The following RPS6KC1 variants were observed in gnomAD, a reference collection of about 807,000 sequenced individuals.
The protein encoded by RPS6KC1 is inactive ribosomal protein S6 kinase delta-1.
A neutral mutation model predicts 103.8 loss-of-function variants in RPS6KC1; 54 were observed. The observed-to-expected ratio is 0.52, with a 90% CI of 0.42 to 0.65. The LOEUF (loss-of-function observed/expected upper bound fraction) is 0.65, where lower values mean the gene tolerates loss of function less well. Among genes scored for constraint, RPS6KC1 ranks in the 30% least tolerant of loss-of-function variants. The probability of loss-of-function intolerance (pLI) is 0.00; values close to 1 mark genes in which losing one functional copy is unlikely to be tolerated. For synonymous variants in RPS6KC1, 439 were observed against 438.7 expected, an observed-to-expected ratio of 1.00 and a Z score of -0.01; for missense variants, 1,151 against 1,253.8, an observed-to-expected ratio of 0.92 and a Z score of 1.24.
rs1326150099 is a variant in RPS6KC1, at chr1:213,070,518, A to G, written c.106-488A>G. ...CACAAATTGGTCAGCCTCCTCAGCCAGTGTAGGTCCAGAGAGACTCCAGCG... is the reference window on the plus strand; with the variant it reads ...CACAAATTGGTCAGCCTCCTCAGCCGGTGTAGGTCCAGAGAGACTCCAGCG... On this transcript the variant is annotated intron_variant, in intron 1 of 14. Transcript: ENST00000366960. Among the ~76,000 whole-genome samples the G allele has an allele frequency of 2.0e-5, 3 of 152,238 alleles. No homozygotes were observed. In the East Asian group the frequency reaches 5.8e-4, roughly 29 times the overall value.
chr1:213,225,500 T>C (rs901667760), intron 8 of RPS6KC1, among the ~76,000 whole-genome samples: 1 of 152,112 alleles, frequency 6.6e-6, no homozygotes, highest in Non-Finnish European at 1.5e-5. Context: ...GTGATTCTCA[T>C]GCCTCACCCT....
chr1:213,629,817 G>A, the RPS6KC1 span, among the ~76,000 whole-genome samples: 1 of 152,136 alleles, frequency 6.6e-6, no homozygotes, highest in Non-Finnish European at 1.5e-5. Flanking sequence ...TGTCTGTAAA[G>A]GATTTTATTT....
At chr1:213,331,162 A>G in the RPS6KC1 span, among the ~76,000 whole-genome samples, 3 of 152,192 alleles carry the variant, frequency 2.0e-5, no homozygotes, top group Non-Finnish European at 4.4e-5. Context: ...GTAAGCTAAA[A>G]CTTTTCTATC....
At chr1:213,474,759 G>A in the RPS6KC1 span, among the ~76,000 whole-genome samples, 1 of 152,028 alleles carries the variant, frequency 6.6e-6, no homozygotes, top group Non-Finnish European at 1.5e-5. Context: ...CTAATAAAAT[G>A]AGGCTATTAC....
the RPS6KC1 span, among the ~76,000 whole-genome samples, chr1:213,581,153 T>A: frequency 6.6e-6 from 1 of 151,932 alleles, no homozygotes; most frequent in African/African-American, 2.4e-5. Flanking sequence ...TGGAGAGTAG[T>A]TCTGGTACCT....
the RPS6KC1 span, among the ~76,000 whole-genome samples, chr1:213,727,770 A>G: frequency 6.6e-6 from 1 of 152,258 alleles, no homozygotes; most frequent in African/African-American, 2.4e-5. Context: ...AGCAGTCTGC[A>G]AAAACTAGCA....
At chr1:213,463,516 CATAGTA>C in the RPS6KC1 span, among the ~76,000 whole-genome samples, 2 of 152,054 alleles carry the variant, frequency 1.3e-5, no homozygotes, top group Non-Finnish European at 2.9e-5. Context: ...CTTGCAAAAC[CATAGTA>C]CTGAAAGCTT....
At chr1:213,690,514 T>C in the RPS6KC1 span, among the ~76,000 whole-genome samples, 6 of 152,200 alleles carry the variant, frequency 3.9e-5, no homozygotes, top group Non-Finnish European at 5.9e-5. Context: ...GTTTACTGAC[T>C]GGCCAATCAA....
chr1:213,210,581 C>A (rs1051193966), intron 8 of RPS6KC1, among the ~76,000 whole-genome samples: 1 of 152,122 alleles, frequency 6.6e-6, no homozygotes, highest in African/African-American at 2.4e-5. Flanking sequence ...GAGTATTGTG[C>A]CTTTGTGTTT....
At chr1:213,815,902 G>C in the RPS6KC1 span, among the ~76,000 whole-genome samples, 1 of 152,168 alleles carries the variant, frequency 6.6e-6, no homozygotes, top group Non-Finnish European at 1.5e-5. Flanking sequence ...TCTAGCTTTT[G>C]ATTTAGAGTA....
At chr1:213,113,252 A>G (rs1291666814) in intron 4 of RPS6KC1, among the ~76,000 whole-genome samples, 2 of 151,710 alleles carry the variant, frequency 1.3e-5, no homozygotes, top group African/African-American at 2.4e-5. Flanking sequence ...AATGATTGCC[A>G]TTCTAACTGG....
the RPS6KC1 span, among the ~76,000 whole-genome samples, chr1:213,789,343 G>A: frequency 6.6e-6 from 1 of 152,148 alleles, no homozygotes; most frequent in Non-Finnish European, 1.5e-5. Flanking sequence ...TGAAATATTT[G>A]TTTAATTAAT....
At chr1:213,408,579 C>G in the RPS6KC1 span, among the ~76,000 whole-genome samples, 1 of 152,314 alleles carries the variant, frequency 6.6e-6, no homozygotes, top group African/African-American at 2.4e-5. Context: ...AATTCTACCT[C>G]AAGACTGCGG....
the RPS6KC1 span, among the ~76,000 whole-genome samples, chr1:213,396,053 C>T: frequency 1.3e-4 from 20 of 152,190 alleles, no homozygotes; most frequent in Non-Finnish European, 2.5e-4. Context: ...AGGTGAAATC[C>T]GAAGAGTCAG....
intron 12 of RPS6KC1, among the ~76,000 whole-genome samples, chr1:213,246,556 CA>C (rs1175547001): frequency 6.6e-6 from 1 of 152,068 alleles, no homozygotes; most frequent in Non-Finnish European, 1.5e-5. Context: ...CACATACACA[CA>C]AAAGTTTTAG....
chr1:213,695,843 C>G, the RPS6KC1 span, among the ~76,000 whole-genome samples: 1 of 152,194 alleles, frequency 6.6e-6, no homozygotes, highest in Non-Finnish European at 1.5e-5. Flanking sequence ...AAACAGATAA[C>G]TCTTGTTAAA....
At chr1:213,101,009 C>G (rs532764078) in intron 3 of RPS6KC1, among the ~76,000 whole-genome samples, 1 of 152,248 alleles carries the variant, frequency 6.6e-6, no homozygotes, top group South Asian at 2.1e-4. Context: ...CTCAAACATG[C>G]CTTCCACAGG....
the RPS6KC1 span, among the ~76,000 whole-genome samples, chr1:213,686,610 T>G: frequency 2.0e-5 from 3 of 152,150 alleles, no homozygotes; most frequent in Admixed American, 6.5e-5. Context: ...ATAACATGTT[T>G]TTATCTGTTT....
At chr1:213,083,256 T>A (rs1469584905) in intron 3 of RPS6KC1, among the ~76,000 whole-genome samples, 1 of 151,980 alleles carries the variant, frequency 6.6e-6, no homozygotes, top group African/African-American at 2.4e-5. Context: ...GAAAAGGAGG[T>A]ATGACTCAGA....
Sources: allele counts gnomAD v4.1 joint callset (sites outside exome capture counted in the v4.1 genomes callset), GRCh38; gene constraint gnomAD v4.1.1; transcripts MANE v1.5; gene names NCBI Gene and HGNC (gene_info 2026-07-23, HGNC 2026-07-21).